The following CEP152 variants were observed in gnomAD, a reference collection of about 807,000 sequenced individuals.
CEP152 encodes centrosomal protein of 152 kDa.
CEP152 carries 132 observed loss-of-function variants against 188.9 expected under a neutral mutation model. The ratio of observed to expected loss-of-function variants is 0.70; its 90% CI spans 0.61 to 0.81. The LOEUF (loss-of-function observed/expected upper bound fraction) is 0.81. Ranked by LOEUF, CEP152 falls within the 30% of genes least tolerant of loss-of-function variation. CEP152 has a pLI of 0.00. For missense variants in CEP152, 1,914 were observed against 1,969.8 expected (o/e 0.97, Z 0.54); for synonymous variants, 649 against 666.6 (o/e 0.97, Z 0.41).
At chr15:48,750,344 G>A (rs1349640098) in intron 21 of CEP152, among the ~76,000 whole-genome samples, 1 of 152,106 alleles carries the variant, frequency 6.6e-6, no homozygotes, top group African/African-American at 2.4e-5. Context: ...TGATTAAAAA[G>A]TAGACTATTA....
intron 7 of CEP152, 99 bp from the exon 8 acceptor site, chr15:48,791,475 T>C: frequency 9.4e-7 from 1 of 1,065,418 alleles, no homozygotes; most frequent in Non-Finnish European, 1.4e-6. Context: ...ATATAAATGT[T>C]GTTGAATTAA....
At chr15:48,800,724 C>T (rs1194593256) in intron 2 of CEP152, among the ~76,000 whole-genome samples, 1 of 152,016 alleles carries the variant, frequency 6.6e-6, no homozygotes, top group African/African-American at 2.4e-5. Flanking sequence ...GTGTATTAAC[C>T]GAGTTTAAAA....
chr15:48,795,951 T>G, intron 6 of CEP152, 59 bp downstream of exon 6: 1 of 1,399,336 alleles, frequency 7.1e-7, no homozygotes, highest in Non-Finnish European at 1.0e-6. Context: ...ATATTCATTG[T>G]GTATTCAAAT....
intron 14 of CEP152, 110 bp downstream of exon 14, chr15:48,768,846 C>T: frequency 1.3e-6 from 1 of 789,352 alleles, no homozygotes; most frequent in Non-Finnish European, 2.0e-6. Context: ...TGCTAATATA[C>T]TTGTCTACTA....
Position 48,784,062 on chromosome 15 carries a change from GCTT to G in CEP152, c.1229_1231del (p.Glu410del). On this transcript the variant is annotated inframe_deletion, in exon 10 of 27. Transcript: ENST00000380950. ...GATCTCAGTCTTTTCTAACTTGATT[GCTT>G]CTTGATTCCTTTCCAGTTGTTTCAC... 6.2e-7 allele frequency: 1 copy of G among 1,613,702 alleles called. No homozygotes were observed. Among genetic ancestry groups the G allele is most frequent in the East Asian group, 2.2e-5 (1 of 44,860 alleles).
intron 24 of CEP152, among the ~76,000 whole-genome samples, chr15:48,743,449 C>T (rs563444125): frequency 4.5e-4 from 68 of 152,266 alleles, no homozygotes; most frequent in Non-Finnish European, 9.0e-4. Flanking sequence ...GAATGCTCTA[C>T]AGGATATGCT....
chr15:48,779,431 C>A (rs998829457), intron 12 of CEP152, among the ~76,000 whole-genome samples: 6 of 152,188 alleles, frequency 3.9e-5, no homozygotes, highest in Non-Finnish European at 7.3e-5. Flanking sequence ...TGAATTAATA[C>A]AAAATTCATG....
At chr15:48,760,586 G>A (rs1292311082) in intron 18 of CEP152, among the ~76,000 whole-genome samples, 1 of 152,086 alleles carries the variant, frequency 6.6e-6, no homozygotes. Flanking sequence ...GAAAGAGAAG[G>A]CCTCCTGGAG....
At chr15:48,741,841 G>T (rs546920703) in intron 25 of CEP152, 106 bp downstream of exon 25, 1 of 1,610,152 alleles carries the variant, frequency 6.2e-7, no homozygotes, top group South Asian at 1.1e-5. Context: ...AACCCCCTAT[G>T]GCTGATCATG....
In CEP152 at chr15:48,738,482, G is replaced by A. The variant is rs587783427; in HGVS notation, c.4900C>T (p.Arg1634Cys). The A allele has an allele frequency of 1.2e-5, 20 of 1,614,048 alleles. No homozygotes were observed. The highest frequency in any genetic ancestry group is 1.6e-4 in the Middle Eastern group (1 of 6,084). ...TCTGACAGGTATGGAGTTTGATAACGCTGACATTTCATTGTTTGACAAATC... is the reference window on the plus strand; with the variant it reads ...TCTGACAGGTATGGAGTTTGATAACACTGACATTTCATTGTTTGACAAATC... The part of the protein sequence containing the change: ...NMICQTMKCQ[R>C]YQTPYLSEET... The change falls in exon 27 of 27, where the codon CGT becomes TGT. Residue 1634 changes from arginine to cysteine, a missense_variant. Physicochemically the swap from Arg to Cys is radical, Grantham distance 180. Transcript: ENST00000380950.
At chr15:48,751,713 C>T (rs1244949347) in intron 21 of CEP152, among the ~76,000 whole-genome samples, 1 of 151,894 alleles carries the variant, frequency 6.6e-6, no homozygotes, top group Non-Finnish European at 1.5e-5. Flanking sequence ...GAGATGGGAG[C>T]TAATAAAGGA....
At chr15:48,735,470 C>A (rs918494903), downstream of CEP152, among the ~76,000 whole-genome samples, 1 of 152,202 alleles carries the variant, frequency 6.6e-6, no homozygotes, top group African/African-American at 2.4e-5. Context: ...CGTGGTGGCT[C>A]ATGCCTGTAA....
intron 12 of CEP152, among the ~76,000 whole-genome samples, chr15:48,774,524 A>G (rs1452532009): frequency 6.6e-6 from 1 of 152,212 alleles, no homozygotes; most frequent in African/African-American, 2.4e-5. Flanking sequence ...AAATTTGTAC[A>G]AGCCTCAGTC....
Position 48,762,639 on chromosome 15 carries a change from C to G in CEP152, c.2314G>C (p.Glu772Gln). Reference protein sequence around the residue: ...KEKLIQQLEKEWQSKLDQTIK... With the variant: ...KEKLIQQLEKQWQSKLDQTIK... ...GTTTGATCCAGCTTAGACTGCCACT[C>G]CTTTTCAAGCTGTTGAATGAGTTTT... Residue 772 changes from glutamate to glutamine, a missense_variant, in exon 18 of 27, where the codon GAG (glutamate) becomes CAG (glutamine). Coordinates refer to ENST00000380950, the MANE Select transcript of CEP152 (RefSeq NM_001194998.2). 1 of 1,613,886 alleles carries G rather than the reference C, an allele frequency of 6.2e-7. No individual in the cohort carries two copies. Among genetic ancestry groups the G allele is most frequent in the South Asian group, 1.1e-5 (1 of 91,078 alleles).
At chr15:48,732,335 A>G (rs538357479) in intron 2 of CEP152, among the ~76,000 whole-genome samples, 1 of 152,346 alleles carries the variant, frequency 6.6e-6, no homozygotes, top group African/African-American at 2.4e-5. Context: ...CATACACACC[A>G]TGGAATACTA....
intron 1 of CEP152, among the ~76,000 whole-genome samples, chr15:48,806,185 T>G (rs565003698): frequency 3.3e-5 from 5 of 152,266 alleles, no homozygotes; most frequent in South Asian, 2.1e-4. Flanking sequence ...CAACAAAATA[T>G]AAGTCTTAAA....
intron 17 of CEP152, among the ~76,000 whole-genome samples, chr15:48,766,452 G>T (rs1490165194): frequency 1.3e-5 from 2 of 152,134 alleles, no homozygotes; most frequent in African/African-American, 4.8e-5. Context: ...TTTACTCCTG[G>T]ACACTCACCA....
Position 48,739,711 on chromosome 15 carries a change from G to C in CEP152, c.4094-423C>G, listed in dbSNP as rs114142156. On this transcript the variant is annotated intron_variant, in intron 26 of 26. Transcript: ENST00000380950. ...CCCAATACCTACACATACACTTCTA[G>C]AATAGCTAAATAGACTTTCTGATTT... 3.7e-3 allele frequency among the ~76,000 whole-genome samples: 565 copies of C among 152,258 alleles called. 6 individuals carry two copies. The highest frequency in any genetic ancestry group is 0.013 in the African/African-American group (554 of 41,536).
At position 48,788,118 on chromosome 15, in the gene CEP152, T is replaced by C. The variant is rs143320961; in HGVS notation, c.1173+683A>G. 8.5e-5 allele frequency among the ~76,000 whole-genome samples: 13 copies of C among 152,324 alleles called. No individual in the cohort carries two copies. In the East Asian group the frequency reaches 2.5e-3, roughly 29 times the overall value. On this transcript the variant is annotated intron_variant, in intron 9 of 26. Transcript: ENST00000380950. ...TTTTCTACTGGTTAAGCTTCCAAGGTAACCTCTCAAGTTCTAGCCAGCCGC... is the reference window on the plus strand; with the variant it reads ...TTTTCTACTGGTTAAGCTTCCAAGGCAACCTCTCAAGTTCTAGCCAGCCGC...
Sources: gnomAD v4.1 joint callset for allele counts (sites outside exome capture counted in the v4.1 genomes callset) on GRCh38, gnomAD v4.1.1 for gene constraint, MANE v1.5 for transcripts, NCBI Gene and HGNC (gene_info 2026-07-23, HGNC 2026-07-21) for gene names.